Variants in ANKRD31 observed in about 807,000 individuals in gnomAD.
The protein encoded by ANKRD31 is ankyrin repeat domain 31.
In ANKRD31, 147 loss-of-function variants were observed where a neutral mutation model predicts 186.0. The ratio of observed to expected loss-of-function variants is 0.79; its 90% CI spans 0.69 to 0.91. The LOEUF (loss-of-function observed/expected upper bound fraction) is 0.91. Ranked by LOEUF, ANKRD31 falls within the 40% of genes least tolerant of loss-of-function variation. The pLI is 0.00. For synonymous variants in ANKRD31, 673 were observed against 736.4 expected (o/e 0.91, Z 1.39); for missense variants, 1,986 against 2,148.8 (o/e 0.92, Z 1.50).
intron 7 of ANKRD31, among the ~76,000 whole-genome samples, chr5:75,193,861 C>T (rs1293769288): frequency 1.3e-5 from 2 of 152,104 alleles, no homozygotes; most frequent in African/African-American, 4.8e-5. Flanking sequence ...AATCTATGGT[C>T]ACTCTAGGAG....
Position 75,210,884 on chromosome 5 carries a change from G to T in ANKRD31, c.289-19C>A. 1.3e-6 allele frequency: 2 copies of T among 1,486,792 alleles called. No individual in the cohort carries two copies. Among genetic ancestry groups the T allele is most frequent in the Non-Finnish European group, 1.8e-6 (2 of 1,121,874 alleles). The allele number at this position is 1,486,792 out of a possible 1,614,324, so 92.1% of individuals were successfully genotyped here. On this transcript the variant is annotated intron_variant, in intron 3 of 25. Coordinates refer to ENST00000506364, the MANE Select transcript of ANKRD31 (RefSeq NM_001372053.1). Reference sequence around the variant, plus strand: ...CTTGAGACTGCTAGGAAAAAAAAAAGTTTTTTCCAACTGATAAGTGTTAAT... The same window carrying T: ...CTTGAGACTGCTAGGAAAAAAAAAATTTTTTTCCAACTGATAAGTGTTAAT...
intron 11 of ANKRD31, among the ~76,000 whole-genome samples, chr5:75,162,245 C>T (rs918024165): frequency 1.3e-5 from 2 of 152,206 alleles, no homozygotes; most frequent in African/African-American, 2.4e-5. Context: ...CCATGGAAAC[C>T]CACCTCTAGT....
chr5:75,178,415 A>G (rs1753997028), intron 10 of ANKRD31, among the ~76,000 whole-genome samples: 1 of 152,168 alleles, frequency 6.6e-6, no homozygotes, highest in South Asian at 2.1e-4. Flanking sequence ...CTCCACCCCA[A>G]ATCATTAGAA....
chr5:75,180,264 C>T (rs1215837456), intron 10 of ANKRD31, among the ~76,000 whole-genome samples: 6 of 152,190 alleles, frequency 3.9e-5, no homozygotes, highest in Admixed American at 3.9e-4. Flanking sequence ...ACATTCCATG[C>T]TCATGGGTAG....
chr5:75,158,767 G>A (rs535884780), intron 11 of ANKRD31, among the ~76,000 whole-genome samples: 8 of 152,172 alleles, frequency 5.3e-5, no homozygotes, highest in African/African-American at 1.4e-4. Context: ...ACTCCAGCCT[G>A]GGCAACAGAG....
chr5:75,142,912 G>A (rs1391885145), intron 15 of ANKRD31, among the ~76,000 whole-genome samples: 1 of 152,150 alleles, frequency 6.6e-6, no homozygotes, highest in Admixed American at 6.6e-5. Flanking sequence ...TGCTGCTAGA[G>A]AGGTGTGAAG....
intron 19 of ANKRD31, among the ~76,000 whole-genome samples, 196 bp from the exon 20 acceptor site, chr5:75,112,796 C>T (rs1747892853): frequency 6.6e-6 from 1 of 152,066 alleles, no homozygotes; most frequent in Admixed American, 6.6e-5. Context: ...CAAAAGCAAA[C>T]AAATATATTT....
At chr5:75,078,553 G>A (rs944128091) in intron 25 of ANKRD31, among the ~76,000 whole-genome samples, 2 of 152,030 alleles carry the variant, frequency 1.3e-5, no homozygotes, top group Admixed American at 6.6e-5. Flanking sequence ...AAAGACTTCA[G>A]GTGATACTTT....
At position 75,184,947 on chromosome 5, in the gene ANKRD31, T is replaced by C. The variant is rs566422665; in HGVS notation, c.1564+3546A>G. ...AGCACTATTCACAATAGCCAAGATA[T>C]GGACTCAACCTAAGTGTCCATCAAC... On this transcript the variant is annotated intron_variant, in intron 10 of 25. Transcript: ENST00000506364. 5.9e-4 allele frequency among the ~76,000 whole-genome samples: 90 copies of C among 152,292 alleles called. 1 individual carries two copies. The highest frequency in any genetic ancestry group is 2.1e-3 in the African/African-American group (86 of 41,564).
chr5:75,083,076 A>G (rs1745209091), intron 24 of ANKRD31, among the ~76,000 whole-genome samples: 1 of 152,188 alleles, frequency 6.6e-6, no homozygotes, highest in Non-Finnish European at 1.5e-5. Context: ...TATACATGAG[A>G]TATCTTGGGG....
At chr5:75,071,503 T>TG (rs1744225072) in intron 25 of ANKRD31, among the ~76,000 whole-genome samples, 1 of 150,104 alleles carries the variant, frequency 6.7e-6, no homozygotes, top group Non-Finnish European at 1.5e-5. Context: ...TTTTGTTTTT[T>TG]TTTTTTTTTG....
intron 14 of ANKRD31, 117 bp from the exon 15 acceptor site, chr5:75,144,288 T>C: frequency 2.6e-6 from 1 of 389,502 alleles, no homozygotes; most frequent in Non-Finnish European, 4.5e-6. Flanking sequence ...TTTAAGAAAA[T>C]GGAAGCTTTT....
intron 10 of ANKRD31, among the ~76,000 whole-genome samples, chr5:75,178,997 A>G (rs191033173): frequency 3.8e-3 from 575 of 152,332 alleles, no homozygotes; most frequent in African/African-American, 0.013. Context: ...CAAGACTAAT[A>G]AAGAAGAAAA....
chr5:75,172,551 G>C (rs1293312024), intron 10 of ANKRD31, among the ~76,000 whole-genome samples: 1 of 151,838 alleles, frequency 6.6e-6, no homozygotes, highest in African/African-American at 2.4e-5. Context: ...AATGATAAAG[G>C]GGATATCACC....
chr5:75,068,510 A>G lies in ANKRD31; in HGVS notation c.*9T>C. The G allele has an allele frequency of 1.4e-6, 2 of 1,465,580 alleles. No individual in the cohort carries two copies. Among genetic ancestry groups the G allele is most frequent in the Non-Finnish European group, 1.8e-6 (2 of 1,116,696 alleles). The allele number at this position is 1,465,580 out of a possible 1,614,324, so 90.8% of individuals were successfully genotyped here. A position where few individuals can be genotyped will look rare whatever the true frequency, so the allele number is the denominator to read the frequency against. ...CAAATATCCAATAAAATATTAAGAAACCAAGGTTTTAGGGTGTTAGTTCCT... is the reference window on the plus strand; with the variant it reads ...CAAATATCCAATAAAATATTAAGAAGCCAAGGTTTTAGGGTGTTAGTTCCT... On this transcript the variant is annotated 3_prime_UTR_variant, in exon 26 of 26. Coordinates refer to ENST00000506364, the MANE Select transcript of ANKRD31 (RefSeq NM_001372053.1).
rs1753368476 is a variant in ANKRD31, at chr5:75,172,031, T to C, written c.1565-2910A>G. Among the ~76,000 whole-genome samples, 6 of 151,760 alleles carry C rather than the reference T, an allele frequency of 4.0e-5. No individual in the cohort carries two copies. The South Asian group carries it at 1.2e-3, about 32-fold the overall frequency. On this transcript the variant is annotated intron_variant, in intron 10 of 25. Transcript: ENST00000506364. ...TTTTTTAAAATCCTTAACAAAATAT[T>C]AGCAAATCTTGATCAAAAGGATCCA... is the stretch of plus-strand genomic sequence containing the variant.
chr5:75,108,208 A>C (rs1747488869), intron 20 of ANKRD31, among the ~76,000 whole-genome samples: 1 of 151,924 alleles, frequency 6.6e-6, no homozygotes, highest in African/African-American at 2.4e-5. Context: ...CTTAAAAAAT[A>C]GAATTTTTTA....
At chr5:75,107,788 T>C (rs141719089) in intron 20 of ANKRD31, among the ~76,000 whole-genome samples, 171 bp from the exon 21 acceptor site, 11 of 152,066 alleles carry the variant, frequency 7.2e-5, no homozygotes, top group African/African-American at 2.4e-4. Flanking sequence ...TGTCAATCTA[T>C]GGAAATGCCC....
chr5:75,193,092 T>C (rs1755224683), intron 8 of ANKRD31, among the ~76,000 whole-genome samples: 2 of 152,052 alleles, frequency 1.3e-5, no homozygotes, highest in East Asian at 3.9e-4. Flanking sequence ...ATCCACTCTA[T>C]TCACCCTCTA....
Sources: gnomAD v4.1 joint callset for allele counts (sites outside exome capture counted in the v4.1 genomes callset) on GRCh38, gnomAD v4.1.1 for gene constraint, MANE v1.5 for transcripts, NCBI Gene and HGNC (gene_info 2026-07-23, HGNC 2026-07-21) for gene names.